The following RGS7 variants were observed in gnomAD, a reference collection of about 807,000 sequenced individuals.
RGS7 encodes the protein regulator of G protein signaling 7.
Under a neutral mutation model 81.1 loss-of-function variants are expected in RGS7, and 27 were observed. The observed-to-expected ratio is 0.33, with a 90% CI of 0.25 to 0.46. RGS7 has a LOEUF of 0.46. RGS7 is among the 20% of genes least tolerant of loss of function. The probability of loss-of-function intolerance (pLI) is 1.00; values close to 1 mark genes in which losing one functional copy is unlikely to be tolerated. For missense variants in RGS7, 396 were observed against 607.4 expected, an observed-to-expected ratio of 0.65 and a Z score of 3.66; for synonymous variants, 208 against 207.7, an observed-to-expected ratio of 1.00 and a Z score of -0.01.
intron 6 of RGS7, among the ~76,000 whole-genome samples, chr1:240,900,962 G>T (rs941970829): frequency 6.7e-6 from 1 of 149,076 alleles, no homozygotes; most frequent in African/African-American, 2.5e-5. Flanking sequence ...CTTCCTGGCC[G>T]ATTTGTTTAC....
chr1:241,042,652 G>T (rs953186011), intron 3 of RGS7, among the ~76,000 whole-genome samples: 2 of 151,882 alleles, frequency 1.3e-5, no homozygotes, highest in Non-Finnish European at 2.9e-5. Context: ...TGGCCGGGCC[G>T]GGCTTGGCCG....
chr1:240,853,681 T>C (rs1048444524), intron 9 of RGS7, among the ~76,000 whole-genome samples: 6 of 151,812 alleles, frequency 4.0e-5, no homozygotes, highest in Admixed American at 3.9e-4. Flanking sequence ...CGAGGCGGGC[T>C]GATCACGAGG....
At chr1:241,077,880 G>A (rs560628010) in intron 3 of RGS7, among the ~76,000 whole-genome samples, 1 of 152,190 alleles carries the variant, frequency 6.6e-6, no homozygotes, top group Admixed American at 6.5e-5. Context: ...TTTCTTCAAA[G>A]AAAGCATTTT....
At chr1:241,211,215 G>A (rs2074223135) in intron 2 of RGS7, among the ~76,000 whole-genome samples, 1 of 152,148 alleles carries the variant, frequency 6.6e-6, no homozygotes, top group Admixed American at 6.6e-5. Flanking sequence ...AACCCGGGAG[G>A]GGGAGGTTGC....
intron 2 of RGS7, among the ~76,000 whole-genome samples, chr1:241,142,565 C>G (rs2068007273): frequency 6.6e-6 from 1 of 152,208 alleles, no homozygotes; most frequent in Non-Finnish European, 1.5e-5. Flanking sequence ...TACGTTGACC[C>G]CTTTCAGCCA....
chr1:241,095,325 T>A (rs2064173331), intron 3 of RGS7, among the ~76,000 whole-genome samples: 1 of 152,156 alleles, frequency 6.6e-6, no homozygotes, highest in African/African-American at 2.4e-5. Flanking sequence ...TTGTACATAT[T>A]CATGGGATAC....
chr1:240,947,388 A>T (rs553097601), intron 4 of RGS7, among the ~76,000 whole-genome samples: 1 of 152,272 alleles, frequency 6.6e-6, no homozygotes, highest in South Asian at 2.1e-4. Context: ...AACATCTCAA[A>T]TTCATCATGT....
intron 2 of RGS7, among the ~76,000 whole-genome samples, chr1:241,336,482 C>A (rs1244801991): frequency 6.6e-6 from 1 of 152,192 alleles, no homozygotes; most frequent in African/African-American, 2.4e-5. Context: ...ATTATTGCTT[C>A]TGCAGAAACC....
At chr1:240,888,193 G>T (rs1351103430) in intron 6 of RGS7, among the ~76,000 whole-genome samples, 1 of 152,146 alleles carries the variant, frequency 6.6e-6, no homozygotes, top group Non-Finnish European at 1.5e-5. Flanking sequence ...CTGGAGCTGG[G>T]ACCACGTTAA....
intron 18 of RGS7, among the ~76,000 whole-genome samples, chr1:240,797,590 G>C (rs1429499916): frequency 1.3e-5 from 2 of 152,226 alleles, no homozygotes; most frequent in Admixed American, 1.3e-4. Context: ...GACCTCAGGT[G>C]ATCCACCCGC....
At chr1:240,837,599 A>G (rs1349856118) in intron 9 of RGS7, among the ~76,000 whole-genome samples, 2 of 152,142 alleles carry the variant, frequency 1.3e-5, no homozygotes, top group Non-Finnish European at 2.9e-5. Flanking sequence ...CACCTTAAAC[A>G]TTTTTACTTT....
chr1:240,887,988 A>G (rs1372693878), intron 6 of RGS7, among the ~76,000 whole-genome samples: 1 of 152,168 alleles, frequency 6.6e-6, no homozygotes, highest in African/African-American at 2.4e-5. Flanking sequence ...CTCTTTTTCT[A>G]TTCACATATT....
chr1:240,910,128 T>C (rs1247008369), intron 6 of RGS7, among the ~76,000 whole-genome samples: 2 of 152,210 alleles, frequency 1.3e-5, no homozygotes, highest in African/African-American at 2.4e-5. Flanking sequence ...CGAACATTTT[T>C]TTAAGGAAAG....
At chr1:240,802,451 A>G (rs989145097) in intron 16 of RGS7, among the ~76,000 whole-genome samples, 1 of 152,192 alleles carries the variant, frequency 6.6e-6, no homozygotes, top group African/African-American at 2.4e-5. Context: ...GGAAGCAAAC[A>G]TTCCGACATT....
intron 3 of RGS7, among the ~76,000 whole-genome samples, chr1:241,023,871 G>A (rs189023894): frequency 2.6e-5 from 4 of 152,176 alleles, no homozygotes; most frequent in Admixed American, 6.5e-5. Context: ...TCCACCTCCC[G>A]AGTAGTTGGG....
At chr1:240,875,267 G>A (rs61834062) in intron 6 of RGS7, among the ~76,000 whole-genome samples, 25,940 of 151,954 alleles carry the variant, frequency 0.17, 2,559 homozygotes, top group Middle Eastern at 0.25. Context: ...GATTCCACAC[G>A]AGTGACATCA....
intron 3 of RGS7, among the ~76,000 whole-genome samples, chr1:241,022,025 CA>C (rs1203204285): frequency 6.6e-6 from 1 of 152,166 alleles, no homozygotes; most frequent in Non-Finnish European, 1.5e-5. Flanking sequence ...GCGGTTAAGA[CA>C]GCAGATTTAA....
intron 2 of RGS7, among the ~76,000 whole-genome samples, chr1:241,232,045 T>C (rs1227128552): frequency 6.6e-6 from 1 of 152,236 alleles, no homozygotes; most frequent in Non-Finnish European, 1.5e-5. Context: ...TTTGTATGGA[T>C]ATATAATTGT....
chr1:240,932,459 G>T (rs994795714), intron 5 of RGS7, among the ~76,000 whole-genome samples: 5 of 151,208 alleles, frequency 3.3e-5, no homozygotes, highest in African/African-American at 4.9e-5. Flanking sequence ...CAGGATTCTA[G>T]GATAGCCCTA....
Sources: gnomAD v4.1 joint callset for allele counts (sites outside exome capture counted in the v4.1 genomes callset) on GRCh38, gnomAD v4.1.1 for gene constraint, MANE v1.5 for transcripts, NCBI Gene and HGNC (gene_info 2026-07-23, HGNC 2026-07-21) for gene names.